FANCC: variants seen among roughly 807,000 people sequenced by gnomAD.
FANCC encodes FA complementation group C.
In FANCC, 55 loss-of-function variants were observed where a neutral mutation model predicts 71.3. The ratio of observed to expected loss-of-function variants is 0.77; its 90% CI spans 0.62 to 0.97. FANCC has a LOEUF of 0.97. Among genes scored for constraint, FANCC ranks in the 50% least tolerant of loss-of-function variants. The pLI is 0.00. For missense variants in FANCC, 678 were observed against 670.9 expected (o/e 1.01, Z -0.12); for synonymous variants, 275 against 244.9 (o/e 1.12, Z -1.15).
intron 6 of FANCC, among the ~76,000 whole-genome samples, chr9:95,161,677 T>A (rs1830753900): frequency 6.6e-6 from 1 of 152,162 alleles, no homozygotes; most frequent in Non-Finnish European, 1.5e-5. Flanking sequence ...CATTTTTAAC[T>A]ATACAGTACA....
chr9:95,225,788 C>T (rs1829576052), intron 4 of FANCC, among the ~76,000 whole-genome samples: 1 of 152,128 alleles, frequency 6.6e-6, no homozygotes, highest in Non-Finnish European at 1.5e-5. Flanking sequence ...AAAATTAAAA[C>T]CTACCTAGGA....
At chr9:95,292,360 C>G (rs1048367720) in intron 1 of FANCC, 74 of 964,500 alleles carry the variant, frequency 7.7e-5, no homozygotes, top group Non-Finnish European at 1.7e-5. Flanking sequence ...GAGGCGGTGG[C>G]GGCGGCGGGG....
intron 4 of FANCC, among the ~76,000 whole-genome samples, chr9:95,190,778 G>C (rs73532199): frequency 0.022 from 3,307 of 152,272 alleles, 119 homozygotes; most frequent in African/African-American, 0.076. Context: ...TAACTTAGCT[G>C]GTACTTTCTC....
chr9:95,156,946 C>G (rs1403321512), intron 6 of FANCC, among the ~76,000 whole-genome samples: 1 of 152,024 alleles, frequency 6.6e-6, no homozygotes, highest in African/African-American at 2.4e-5. Flanking sequence ...ACAATTAAAT[C>G]AGAACACAGC....
chr9:95,208,980 T>C (rs969446332), intron 4 of FANCC, among the ~76,000 whole-genome samples: 22 of 152,352 alleles, frequency 1.4e-4, no homozygotes, highest in Middle Eastern at 3.4e-3. Context: ...ACAGATGTTT[T>C]ACTCATAATT....
At chr9:95,120,604 TAG>T (rs1214622699) in intron 10 of FANCC, among the ~76,000 whole-genome samples, 1 of 151,712 alleles carries the variant, frequency 6.6e-6, no homozygotes, top group Non-Finnish European at 1.5e-5. Context: ...TACTTTTTTG[TAG>T]AGACTGGGGT....
At chr9:95,309,658 A>G (rs1835266569) in intron 1 of FANCC, among the ~76,000 whole-genome samples, 1 of 152,220 alleles carries the variant, frequency 6.6e-6, no homozygotes, top group African/African-American at 2.4e-5. Flanking sequence ...TATATCACCT[A>G]GGATGCCTTT....
At chr9:95,199,182 A>G (rs1827648549) in intron 4 of FANCC, among the ~76,000 whole-genome samples, 1 of 152,134 alleles carries the variant, frequency 6.6e-6, no homozygotes, top group Non-Finnish European at 1.5e-5. Context: ...CATGTATCAA[A>G]TCCTTAAAAC....
chr9:95,270,151 C>T (rs539618209), intron 1 of FANCC, among the ~76,000 whole-genome samples: 1 of 152,272 alleles, frequency 6.6e-6, no homozygotes, highest in Admixed American at 6.5e-5. Flanking sequence ...TACACAGACA[C>T]AGTAACAATC....
At chr9:95,226,512 C>T (rs1457738949) in intron 4 of FANCC, among the ~76,000 whole-genome samples, 3 of 152,188 alleles carry the variant, frequency 2.0e-5, no homozygotes, top group African/African-American at 2.4e-5. Context: ...CCCAGGAACA[C>T]GGCAGACAGG....
intron 6 of FANCC, among the ~76,000 whole-genome samples, chr9:95,168,811 G>A (rs1177771107): frequency 6.6e-6 from 1 of 152,226 alleles, no homozygotes; most frequent in Non-Finnish European, 1.5e-5. Context: ...TTAAAGGCAT[G>A]TGCCACCGCA....
chr9:95,268,313 C>T lies in FANCC; in HGVS notation c.-78-18944G>A, dbSNP rs545553512. Among the ~76,000 whole-genome samples, 3 of 152,320 alleles carry T rather than the reference C, an allele frequency of 2.0e-5. No individual in the cohort carries two copies. In the South Asian group the frequency reaches 6.2e-4, roughly 32 times the overall value. On this transcript the variant is annotated intron_variant, in intron 1 of 14. Transcript: ENST00000289081. ...GGACTTGACTGGATTCCTTATTCAC[C>T]ATCATGGTATCACAACCAACTTCGG...
chr9:95,298,214 T>G (rs1588435907), intron 1 of FANCC, among the ~76,000 whole-genome samples: 1 of 152,004 alleles, frequency 6.6e-6, no homozygotes, highest in South Asian at 2.1e-4. Flanking sequence ...AGTATTTAGA[T>G]CAGACATAGT....
chr9:95,128,671 A>G (rs1345611915), intron 8 of FANCC, among the ~76,000 whole-genome samples: 1 of 152,232 alleles, frequency 6.6e-6, no homozygotes, highest in Non-Finnish European at 1.5e-5. Context: ...GCTGTTTTCT[A>G]GCAAAATCGC....
At chr9:95,239,335 C>T (rs1830503075) in intron 4 of FANCC, among the ~76,000 whole-genome samples, 1 of 152,094 alleles carries the variant, frequency 6.6e-6, no homozygotes, top group Non-Finnish European at 1.5e-5. Context: ...TAATAAGTAC[C>T]TACTAGTAAG....
At chr9:95,122,204 G>A (rs1024383531) in intron 10 of FANCC, among the ~76,000 whole-genome samples, 3 of 152,062 alleles carry the variant, frequency 2.0e-5, no homozygotes, top group Non-Finnish European at 4.4e-5. Context: ...AGGCAGGGAG[G>A]AGCACGTGGA....
intron 1 of FANCC, among the ~76,000 whole-genome samples, chr9:95,267,037 C>T (rs1349443219): frequency 6.6e-6 from 1 of 151,978 alleles, no homozygotes; most frequent in African/African-American, 2.4e-5. Flanking sequence ...TCTATGAAAT[C>T]GATACGAGAC....
chr9:95,305,422 T>C (rs1488136156), intron 1 of FANCC, among the ~76,000 whole-genome samples: 1 of 152,232 alleles, frequency 6.6e-6, no homozygotes, highest in Admixed American at 6.5e-5. Flanking sequence ...GTACAGGTTT[T>C]GAATGCTTGT....
chr9:95,143,410 G>A (rs1478567869), intron 7 of FANCC, among the ~76,000 whole-genome samples: 1 of 152,088 alleles, frequency 6.6e-6, no homozygotes, highest in African/African-American at 2.4e-5. Context: ...TGGTTCCTTT[G>A]GCTACCAGCC....
Sources: allele counts gnomAD v4.1 joint callset (sites outside exome capture counted in the v4.1 genomes callset), GRCh38; gene constraint gnomAD v4.1.1; transcripts MANE v1.5; gene names NCBI Gene and HGNC (gene_info 2026-07-23, HGNC 2026-07-21).